Variants in AGFG1 observed in about 807,000 individuals in gnomAD.
The protein encoded by AGFG1 is ArfGAP with FG repeats 1.
In AGFG1, 10 loss-of-function variants were observed where a neutral mutation model predicts 60.6. The observed-to-expected ratio is 0.16, with a 90% confidence interval of 0.10 to 0.28. AGFG1 has a LOEUF of 0.28. Among genes scored for constraint, AGFG1 ranks in the 10% least tolerant of loss-of-function variants. AGFG1 has a pLI of 1.00. For missense variants in AGFG1, 537 were observed against 676.5 expected (o/e 0.79, Z 2.29); for synonymous variants, 247 against 242.9 (o/e 1.02, Z -0.16).
intron 10 of AGFG1, 54 bp downstream of exon 10, chr2:227,537,047 A>G (rs1309370962): frequency 7.0e-5 from 104 of 1,478,482 alleles, no homozygotes; most frequent in Non-Finnish European, 9.5e-5. Flanking sequence ...TTTATCAACA[A>G]AGACACCATG....
chr2:227,481,806 T>C lies in AGFG1; in HGVS notation c.167+9218T>C, dbSNP rs114020593. Among the ~76,000 whole-genome samples, 507 of 152,144 alleles carry C rather than the reference T, an allele frequency of 3.3e-3. 3 individuals carry two copies. The highest frequency in any genetic ancestry group is 0.012 in the African/African-American group (481 of 41,498). ...TGTGGGTTAATACCTTCTTATTCCT[T>C]TACTGTCATTTCGTTGTGGGTTTGG... On this transcript the variant is annotated intron_variant, in intron 1 of 12. Transcript: ENST00000310078.
In AGFG1 at chr2:227,556,426, T is replaced by A. The variant is rs2106249419; in HGVS notation, c.*1931T>A. The A allele has an allele frequency of 6.5e-6, 1 of 152,754 alleles. No individual in the cohort carries two copies. The highest frequency in any genetic ancestry group is 1.5e-5 in the Non-Finnish European group (1 of 68,014). The allele number at this position is 152,754 out of a possible 1,614,324, so 9.5% of individuals were successfully genotyped here. ...GAGCAGTATGCCTCTTCTTTTAGAA[T>A]TAAATGAATGCTGCACAGGTCCAGA... On this transcript the variant is annotated 3_prime_UTR_variant, in exon 13 of 13. Transcript: ENST00000310078.
Position 227,554,528 on chromosome 2 carries a change from T to C in AGFG1, c.*33T>C, listed in dbSNP as rs1692916756. ...TAGACAATTTACTGGAACGAACTTT[T>C]ATGTGGTCACATTACATCTCTCCAC... On this transcript the variant is annotated 3_prime_UTR_variant, in exon 13 of 13. Transcript: ENST00000310078. 1 of 1,555,808 alleles carries C rather than the reference T, an allele frequency of 6.4e-7. No homozygotes were observed. The highest frequency in any genetic ancestry group is 8.8e-7 in the Non-Finnish European group (1 of 1,129,958).
At chr2:227,529,098 A>G (rs1235373644) in intron 5 of AGFG1, among the ~76,000 whole-genome samples, 1 of 152,130 alleles carries the variant, frequency 6.6e-6, no homozygotes, top group Non-Finnish European at 1.5e-5. Context: ...GGAGAATAAA[A>G]TGTATATGCC....
intron 1 of AGFG1, 120 bp downstream of exon 1, chr2:227,472,708 G>A (rs1690132064): frequency 1.7e-6 from 2 of 1,172,810 alleles, no homozygotes; most frequent in Non-Finnish European, 2.2e-6. Flanking sequence ...GCGGTCGGGG[G>A]CGGCCGTTGG....
intron 1 of AGFG1, among the ~76,000 whole-genome samples, chr2:227,472,830 C>T (rs1272650106): frequency 6.8e-6 from 1 of 147,336 alleles, no homozygotes; most frequent in Non-Finnish European, 1.5e-5. Flanking sequence ...ACGTTCTGGG[C>T]AGCCTTCGTG....
At chr2:227,512,178 T>C (rs1464098598) in intron 2 of AGFG1, among the ~76,000 whole-genome samples, 1 of 152,222 alleles carries the variant, frequency 6.6e-6, no homozygotes, top group South Asian at 2.1e-4. Flanking sequence ...AGATCTCACA[T>C]ACAGCTTGTG....
chr2:227,492,067 A>T (rs955646852), intron 2 of AGFG1, among the ~76,000 whole-genome samples: 7 of 151,950 alleles, frequency 4.6e-5, no homozygotes, highest in Admixed American at 2.6e-4. Flanking sequence ...CGTGTAGGTG[A>T]TGTGTAATGT....
chr2:227,538,719 C>CT (rs1692387360), intron 10 of AGFG1, among the ~76,000 whole-genome samples: 1 of 152,116 alleles, frequency 6.6e-6, no homozygotes, highest in Non-Finnish European at 1.5e-5. Context: ...GATTGTACCT[C>CT]TGAGTTGGTT....
intron 6 of AGFG1, chr2:227,532,054 G>A: frequency 9.3e-7 from 1 of 1,077,758 alleles, no homozygotes; most frequent in Non-Finnish European, 1.3e-6. Context: ...TTAACTCTGT[G>A]TATTGTCTTA....
At chr2:227,508,687 G>GC (rs1691400404) in intron 2 of AGFG1, 1 of 376,028 alleles carries the variant, frequency 2.7e-6, no homozygotes, top group Non-Finnish European at 5.4e-6. Context: ...ACACTGTTGG[G>GC]ATTTTTTTTT....
intron 1 of AGFG1, among the ~76,000 whole-genome samples, chr2:227,480,671 G>A (rs568238470): frequency 1.3e-5 from 2 of 151,834 alleles, no homozygotes; most frequent in African/African-American, 2.4e-5. Context: ...CCTGCTGTGC[G>A]GCTCTCATAC....
chr2:227,498,345 A>C (rs1017731388), intron 2 of AGFG1, among the ~76,000 whole-genome samples: 2 of 152,204 alleles, frequency 1.3e-5, no homozygotes, highest in African/African-American at 4.8e-5. Context: ...GAAAACATTC[A>C]CTAATAATAC....
intron 3 of AGFG1, 30 bp downstream of exon 3, chr2:227,520,093 G>A: frequency 7.4e-7 from 1 of 1,358,610 alleles, no homozygotes; most frequent in Non-Finnish European, 1.0e-6. Flanking sequence ...GTAGAATAAA[G>A]CCTCCCCAAA....
chr2:227,520,145 G>A, intron 3 of AGFG1, 82 bp downstream of exon 3: 2 of 818,216 alleles, frequency 2.4e-6, no homozygotes, highest in Middle Eastern at 2.5e-4. Flanking sequence ...ACACAATGAA[G>A]GATAAAAGAC....
At chr2:227,546,221 G>A (rs893479076) in intron 10 of AGFG1, among the ~76,000 whole-genome samples, 6 of 152,298 alleles carry the variant, frequency 3.9e-5, no homozygotes, top group South Asian at 2.1e-4. Flanking sequence ...CCTTGCTGCC[G>A]CCTCGCAGTT....
intron 6 of AGFG1, 74 bp from the exon 7 acceptor site, chr2:227,533,475 A>C (rs1470882912): frequency 1.6e-6 from 2 of 1,267,890 alleles, no homozygotes; most frequent in South Asian, 1.3e-5. Flanking sequence ...TTTAGGAAGA[A>C]ATGATCATAC....
At chr2:227,548,106 T>C (rs1692708687) in intron 10 of AGFG1, among the ~76,000 whole-genome samples, 2 of 152,342 alleles carry the variant, frequency 1.3e-5, no homozygotes, top group Admixed American at 1.3e-4. Flanking sequence ...ATATTTGTGG[T>C]GGCCATTTGT....
Position 227,560,707 on chromosome 2 carries a change from A to G in AGFG1, c.*6212A>G, listed in dbSNP as rs1693112610. 1 of 152,184 alleles carries G rather than the reference A, an allele frequency of 6.6e-6. No individual in the cohort carries two copies. The highest frequency in any genetic ancestry group is 6.5e-5 in the Admixed American group (1 of 15,280). The allele number at this position is 152,184 out of a possible 1,614,324, so 9.4% of individuals were successfully genotyped here. On this transcript the variant is annotated 3_prime_UTR_variant, in exon 13 of 13. Transcript: ENST00000310078. ...CTGTGGCAAAACCTATTTTGGCACA[A>G]CCACATTTGTTCATTATACAAAATT...
Sources: gnomAD v4.1 joint callset for allele counts (sites outside exome capture counted in the v4.1 genomes callset) on GRCh38, gnomAD v4.1.1 for gene constraint, MANE v1.5 for transcripts, NCBI Gene and HGNC (gene_info 2026-07-23, HGNC 2026-07-21) for gene names.